ATAD2B: variants seen among roughly 807,000 people sequenced by gnomAD.
ATAD2B encodes ATPase family AAA domain-containing protein 2B.
ATAD2B carries 40 observed loss-of-function variants against 167.6 expected under a neutral mutation model. That is an observed-to-expected ratio of 0.24 (90% CI 0.19 to 0.31). The LOEUF (loss-of-function observed/expected upper bound fraction) is 0.31. Among genes scored for constraint, ATAD2B ranks in the 10% least tolerant of loss-of-function variants. The pLI, the probability that ATAD2B is intolerant of heterozygous loss-of-function variation, is 1.00. For missense variants in ATAD2B, 1,242 were observed against 1,757.2 expected, an observed-to-expected ratio of 0.71 and a Z score of 5.24; for synonymous variants, 579 against 596.5, an observed-to-expected ratio of 0.97 and a Z score of 0.43.
chr2:23,811,557 T>C (rs1354438914), intron 17 of ATAD2B: 7 of 152,114 alleles, frequency 4.6e-5, no homozygotes, highest in Middle Eastern at 6.8e-3. Context: ...TGAGAACACA[T>C]GGACACAGGG....
At chr2:23,883,593 C>T in intron 6 of ATAD2B, 1 of 1,293,176 alleles carries the variant, frequency 7.7e-7, no homozygotes, top group African/African-American at 1.5e-5. Flanking sequence ...ATCTGTCTCA[C>T]CTATACTGAT....
At chr2:23,923,393 T>C (rs1011192994) in intron 1 of ATAD2B, among the ~76,000 whole-genome samples, 2 of 152,180 alleles carry the variant, frequency 1.3e-5, no homozygotes, top group Non-Finnish European at 2.9e-5. Flanking sequence ...CCAGATAAGT[T>C]CTGGAGATCT....
chr2:23,851,796 A>G (rs1364066380), intron 13 of ATAD2B, among the ~76,000 whole-genome samples: 1 of 152,194 alleles, frequency 6.6e-6, no homozygotes, highest in Non-Finnish European at 1.5e-5. Flanking sequence ...TTTTAAAAAT[A>G]TAAGAAAAAA....
intron 13 of ATAD2B, among the ~76,000 whole-genome samples, chr2:23,855,344 TA>T (rs1432810769): frequency 1.3e-5 from 2 of 152,234 alleles, no homozygotes; most frequent in African/African-American, 4.8e-5. Flanking sequence ...ATTATTGGAT[TA>T]ATATTAAAGC....
chr2:23,726,083 G>T, the ATAD2B span, among the ~76,000 whole-genome samples: 88,317 of 152,028 alleles, frequency 0.58, 26,393 homozygotes, highest in East Asian at 0.79. Flanking sequence ...ACAAAAGAAA[G>T]GAAAGCGGGT....
chr2:23,731,467 C>T, the ATAD2B span, among the ~76,000 whole-genome samples: 3 of 152,254 alleles, frequency 2.0e-5, no homozygotes, highest in East Asian at 5.8e-4. Context: ...TACGTGCCTC[C>T]TAATGAGAAC....
chr2:23,860,043 A>G (rs1236320980), intron 12 of ATAD2B, among the ~76,000 whole-genome samples: 1 of 150,188 alleles, frequency 6.7e-6, no homozygotes, highest in South Asian at 2.1e-4. Context: ...CCACCCTCAT[A>G]AATAGACTAA....
At chr2:23,857,148 A>G (rs2149971809) in intron 13 of ATAD2B, among the ~76,000 whole-genome samples, 1 of 152,374 alleles carries the variant, frequency 6.6e-6, no homozygotes, top group East Asian at 1.9e-4. Flanking sequence ...CTACTATTGT[A>G]GCACATAAGA....
chr2:23,778,995 C>T (rs2149373847), intron 22 of ATAD2B, among the ~76,000 whole-genome samples: 1 of 152,182 alleles, frequency 6.6e-6, no homozygotes, highest in South Asian at 2.1e-4. Flanking sequence ...CGGGTTGTAC[C>T]CTCACATAGG....
At chr2:23,805,154 A>G (rs1464101972) in intron 18 of ATAD2B, among the ~76,000 whole-genome samples, 4 of 152,002 alleles carry the variant, frequency 2.6e-5, no homozygotes, top group Non-Finnish European at 5.9e-5. Context: ...AAAAAAAAAA[A>G]AAAGAAAAGA....
intron 19 of ATAD2B, among the ~76,000 whole-genome samples, chr2:23,794,391 T>G (rs146991163): frequency 6.6e-6 from 1 of 152,344 alleles, no homozygotes; most frequent in East Asian, 1.9e-4. Flanking sequence ...GCTTCTGTAT[T>G]CAATCTGTTA....
intron 13 of ATAD2B, among the ~76,000 whole-genome samples, chr2:23,835,873 T>G (rs563782660): frequency 6.6e-6 from 1 of 151,350 alleles, no homozygotes; most frequent in Non-Finnish European, 1.5e-5. Context: ...GAGGTGGAGG[T>G]TGCAGTGAGC....
rs1394867470 is a variant in ATAD2B, at chr2:23,887,931, C to A, written c.473G>T (p.Cys158Phe). ...GEKKGDGDLS[C>F]INGDMEVRKS... ...TCTGACTTCCATGTCACCATTTATA[C>A]AAGAAAGGTCCCCATCTCCCTTCTT... Residue 158 changes from cysteine (C) to phenylalanine (F), a missense_variant, in exon 4 of 28, where the codon TGT becomes TTT. Cys to Phe is a radical substitution (Grantham distance 205). Around this residue, in one of 9 missense-constraint regions of ATAD2B, gnomAD observed 99 missense variants for 160.4 expected, o/e 0.62. Coordinates refer to ENST00000238789, the MANE Select transcript of ATAD2B (RefSeq NM_017552.4). 6.2e-7 allele frequency: 1 copy of A among 1,610,088 alleles called. No individual in the cohort carries two copies. The highest frequency in any genetic ancestry group is 8.5e-7 in the Non-Finnish European group (1 of 1,178,624).
chr2:23,906,524 G>A (rs1202851974), intron 1 of ATAD2B, among the ~76,000 whole-genome samples: 1 of 152,054 alleles, frequency 6.6e-6, no homozygotes, highest in African/African-American at 2.4e-5. Context: ...GGTCCGCTTG[G>A]TGCAGAGCTG....
chr2:23,732,095 A>G, the ATAD2B span, among the ~76,000 whole-genome samples: 3 of 152,224 alleles, frequency 2.0e-5, no homozygotes, highest in Non-Finnish European at 4.4e-5. Context: ...CCACATTTTG[A>G]GTGCTCAATA....
chr2:23,887,743 TA>T, intron 4 of ATAD2B, 88 bp downstream of exon 4: 1 of 1,215,828 alleles, frequency 8.2e-7, no homozygotes, highest in Non-Finnish European at 1.1e-6. Flanking sequence ...TATTGATTGC[TA>T]AGTCGTTGCT....
rs186643896 is a variant in ATAD2B at position 23,758,414 on chromosome 2, C to T, written c.3395-313G>A. Among the ~76,000 whole-genome samples the T allele has an allele frequency of 5.3e-5, 8 of 152,278 alleles. No homozygotes were observed. The East Asian group carries it at 1.2e-3, about 22-fold the overall frequency. On this transcript the variant is annotated intron_variant, in intron 24 of 27. Coordinates refer to ENST00000238789, the MANE Select transcript of ATAD2B (RefSeq NM_017552.4). ...CCTAATTTTCAACATCCAAAAGCCA[C>T]GCATATAATATACACATTTAAAGAA...
chr2:23,770,772 T>G (rs1314551297), intron 22 of ATAD2B, among the ~76,000 whole-genome samples: 1 of 152,224 alleles, frequency 6.6e-6, no homozygotes, highest in African/African-American at 2.4e-5. Context: ...TAAAGTAGTA[T>G]TAAGTCTTCC....
At chr2:23,822,104 A>G (rs1444582771) in intron 16 of ATAD2B, among the ~76,000 whole-genome samples, 2 of 152,186 alleles carry the variant, frequency 1.3e-5, no homozygotes, top group Non-Finnish European at 2.9e-5. Context: ...TGCACACTGC[A>G]GAGTGTCCTA....
Sources: allele counts gnomAD v4.1 joint callset (sites outside exome capture counted in the v4.1 genomes callset), GRCh38; gene constraint gnomAD v4.1.1; regional missense constraint gnomAD v4.1.1; transcripts MANE v1.5; gene names NCBI Gene and HGNC (gene_info 2026-07-23, HGNC 2026-07-21).